The following CCDC40 variants were observed in gnomAD, a reference collection of about 807,000 sequenced individuals.
The protein encoded by CCDC40 is coiled-coil domain-containing protein 40.
In CCDC40, 104 loss-of-function variants were observed where a neutral mutation model predicts 124.5. That is an observed-to-expected ratio of 0.84 (90% CI 0.71 to 0.98). The LOEUF is 0.98. Among genes scored for constraint, CCDC40 ranks in the 50% least tolerant of loss-of-function variants. The pLI, the probability that CCDC40 is intolerant of heterozygous loss-of-function variation, is 0.00. For missense variants in CCDC40, 1,463 were observed against 1,503.9 expected, an observed-to-expected ratio of 0.97 and a Z score of 0.45; for synonymous variants, 580 against 602.9, an observed-to-expected ratio of 0.96 and a Z score of 0.56.
chr17:80,047,746 C>T (rs2037466246), intron 4 of CCDC40, among the ~76,000 whole-genome samples: 1 of 152,176 alleles, frequency 6.6e-6, no homozygotes. Context: ...TTCTCACGGG[C>T]TCCTGGTCTC....
intron 17 of CCDC40, among the ~76,000 whole-genome samples, chr17:80,091,392 T>G (rs2038720813): frequency 6.6e-6 from 1 of 151,830 alleles, no homozygotes; most frequent in African/African-American, 2.4e-5. Flanking sequence ...GAATTGGCTC[T>G]TATGATTATG....
chr17:80,089,567 A>T, intron 16 of CCDC40, 197 bp from the exon 17 acceptor site: 7 of 271,392 alleles, frequency 2.6e-5, no homozygotes, highest in South Asian at 6.1e-5. Context: ...CTCCCCCTGT[A>T]TGCCAGAGGT....
intron 17 of CCDC40, chr17:80,090,944 C>A: frequency 4.3e-6 from 2 of 463,798 alleles, no homozygotes; most frequent in Non-Finnish European, 6.0e-6. Context: ...TTTGCTGGAG[C>A]AAGACAAGCT....
intron 3 of CCDC40, among the ~76,000 whole-genome samples, chr17:80,041,430 C>T (rs2037279326): frequency 6.6e-6 from 1 of 151,802 alleles, no homozygotes; most frequent in Admixed American, 6.6e-5. Context: ...ATCACTTGAA[C>T]TGGAGAGGCA....
At chr17:80,090,030 C>G (rs1218201164) in intron 17 of CCDC40, 146 bp downstream of exon 17, 17 of 1,536,984 alleles carry the variant, frequency 1.1e-5, no homozygotes, top group Non-Finnish European at 9.6e-6. Flanking sequence ...GGTGAGATTT[C>G]CAGGGAGCGA....
intron 12 of CCDC40, among the ~76,000 whole-genome samples, chr17:80,082,301 G>A (rs1007332948): frequency 1.5e-4 from 23 of 149,852 alleles, no homozygotes; most frequent in East Asian, 6.0e-4. Flanking sequence ...TCCCTGGGGG[G>A]ACCTGGAGTG....
chr17:80,037,688 A>AAAAATAT, intron 1 of CCDC40, among the ~76,000 whole-genome samples: 5 of 45,678 alleles, frequency 1.1e-4, no homozygotes, highest in African/African-American at 3.0e-4. Context: ...TTTTTTAAAA[A>AAAAATAT]AGATATACAT....
At chr17:80,084,688 G>A (rs1234115406) in intron 12 of CCDC40, 55 bp from the exon 13 acceptor site, 18 of 1,608,386 alleles carry the variant, frequency 1.1e-5, no homozygotes, top group East Asian at 2.2e-5. Context: ...CAGCAAACTC[G>A]TCCCGGGCCT....
intron 19 of CCDC40, among the ~76,000 whole-genome samples, chr17:80,099,090 G>A (rs2038865124): frequency 6.7e-6 from 1 of 150,300 alleles, no homozygotes; most frequent in Non-Finnish European, 1.5e-5. Context: ...AGACCATCCT[G>A]GCTAACACGG....
chr17:80,085,760 C>T (rs1241695702), intron 13 of CCDC40, among the ~76,000 whole-genome samples: 1 of 150,124 alleles, frequency 6.7e-6, no homozygotes, highest in Non-Finnish European at 1.5e-5. Context: ...ACATCTGCCT[C>T]CTGAGTTCAA....
chr17:80,074,628 G>A (rs2038270026), intron 10 of CCDC40, among the ~76,000 whole-genome samples: 2 of 152,140 alleles, frequency 1.3e-5, no homozygotes, highest in African/African-American at 4.8e-5. Flanking sequence ...ACCGAAAAAA[G>A]GAAAGAAAGA....
chr17:80,070,619 G>T lies in CCDC40; in HGVS notation c.1562+5013G>T, dbSNP rs73439075. 5.7e-3 allele frequency among the ~76,000 whole-genome samples: 859 copies of T among 151,696 alleles called. 10 individuals carry two copies. Among genetic ancestry groups the T allele is most frequent in the African/African-American group, 0.02 (817 of 41,376 alleles). ...CTGTCTCTCAAAAAATTTTTAATTAGCGGGGCATGGTGGTGTGCACCTGTA... is the reference window on the plus strand; with the variant it reads ...CTGTCTCTCAAAAAATTTTTAATTATCGGGGCATGGTGGTGTGCACCTGTA... On this transcript the variant is annotated intron_variant, in intron 10 of 19. Coordinates refer to ENST00000397545, the MANE Select transcript of CCDC40 (RefSeq NM_017950.4).
chr17:80,040,468 C>T (rs1189949608), intron 3 of CCDC40, 198 bp downstream of exon 3: 2 of 604,290 alleles, frequency 3.3e-6, no homozygotes, highest in Non-Finnish European at 2.9e-6. Context: ...CACCTGAGGT[C>T]AGGAGTTCGA....
intron 10 of CCDC40, among the ~76,000 whole-genome samples, chr17:80,079,708 G>A (rs1348797419): frequency 6.6e-6 from 1 of 151,478 alleles, no homozygotes; most frequent in Admixed American, 6.6e-5. Context: ...GATCACTTGA[G>A]GTCAGGAGTT....
chr17:80,082,183 C>G lies in CCDC40; in HGVS notation c.1989+125C>G. 3 of 666,870 alleles carry G rather than the reference C, an allele frequency of 4.5e-6. 1 individual carries two copies. The South Asian group carries it at 4.7e-5, about 10-fold the overall frequency. 41.3% of individuals were successfully genotyped at this position (666,870 alleles called of 1,614,324 possible). On this transcript the variant is annotated intron_variant, in intron 12 of 19. Coordinates refer to ENST00000397545, the MANE Select transcript of CCDC40 (RefSeq NM_017950.4). ...GCAGAGGGCCCTCCTGTGCTCACTC[C>G]TTTCCATGGTGTTCAGGTTGTAAGG... is the stretch of plus-strand genomic sequence containing the variant.
chr17:80,051,793 C>G (rs1480543938), intron 7 of CCDC40, among the ~76,000 whole-genome samples: 1 of 152,232 alleles, frequency 6.6e-6, no homozygotes, highest in Non-Finnish European at 1.5e-5. Context: ...AGGACGCGTG[C>G]CCCTAACTGC....
chr17:80,054,772 G>A (rs1055874500), intron 7 of CCDC40, among the ~76,000 whole-genome samples: 5 of 152,088 alleles, frequency 3.3e-5, no homozygotes, highest in South Asian at 2.1e-4. Flanking sequence ...TCAGGAGTTC[G>A]AGACCAGCCT....
At chr17:80,045,721 C>CA (rs58136650) in intron 3 of CCDC40, among the ~76,000 whole-genome samples, 9,304 of 151,460 alleles carry the variant, frequency 0.061, 889 homozygotes, top group African/African-American at 0.21. Flanking sequence ...ACAACAACTA[C>CA]AAAAAACGCT....
At chr17:80,057,238 C>G (rs1202836081) in intron 7 of CCDC40, among the ~76,000 whole-genome samples, 1 of 151,716 alleles carries the variant, frequency 6.6e-6, no homozygotes, top group African/African-American at 2.4e-5. Context: ...CGGACGTGCA[C>G]CAACACATCC....
Sources: gnomAD v4.1 joint callset for allele counts (sites outside exome capture counted in the v4.1 genomes callset) on GRCh38, gnomAD v4.1.1 for gene constraint, MANE v1.5 for transcripts, NCBI Gene and HGNC (gene_info 2026-07-23, HGNC 2026-07-21) for gene names.